The following PLCB1 variants were observed in gnomAD, a reference collection of about 807,000 sequenced individuals.
PLCB1 encodes the protein 1-phosphatidylinositol 4,5-bisphosphate phosphodiesterase beta-1.
Under a neutral mutation model 161.8 loss-of-function variants are expected in PLCB1, and 46 were observed. The observed-to-expected ratio is 0.28, with a 90% CI of 0.22 to 0.36. The LOEUF (loss-of-function observed/expected upper bound fraction) is 0.36, where lower values mean the gene tolerates loss of function less well. Ranked by LOEUF, PLCB1 falls within the 10% of genes least tolerant of loss-of-function variation. PLCB1 has a pLI of 1.00. For synonymous variants in PLCB1, 517 were observed against 503.7 expected (o/e 1.03, Z -0.35); for missense variants, 1,016 against 1,472.5 (o/e 0.69, Z 5.07).
In PLCB1 at chr20:8,884,700, A is replaced by G. The variant is rs1279837040; in HGVS notation, c.*2851A>G. On this transcript the variant is annotated 3_prime_UTR_variant, in exon 32 of 32. Coordinates refer to ENST00000338037, the MANE Select transcript of PLCB1 (RefSeq NM_015192.4). ...GACGTTGTGACTCTTGCCTTTTAAGAAGAAAAAAAAGATAGGACAAAGTAT... is the reference window on the plus strand; with the variant it reads ...GACGTTGTGACTCTTGCCTTTTAAGGAGAAAAAAAAGATAGGACAAAGTAT... 1.3e-5 allele frequency: 2 copies of G among 152,608 alleles called. No individual in the cohort carries two copies. Among genetic ancestry groups the G allele is most frequent in the South Asian group, 4.1e-4 (2 of 4,834 alleles). 9.5% of individuals were successfully genotyped at this position (152,608 alleles called of 1,614,324 possible). A position where few individuals can be genotyped will look rare whatever the true frequency, so the allele number is the denominator to read the frequency against.
At chr20:8,503,386 T>C (rs1264532447) in intron 3 of PLCB1, among the ~76,000 whole-genome samples, 3 of 152,170 alleles carry the variant, frequency 2.0e-5, no homozygotes, top group South Asian at 2.1e-4. Context: ...TCTGTCTTCC[T>C]TCTACACACT....
At chr20:8,685,859 G>A (rs1990347790) in intron 10 of PLCB1, among the ~76,000 whole-genome samples, 1 of 152,132 alleles carries the variant, frequency 6.6e-6, no homozygotes, top group Admixed American at 6.5e-5. Flanking sequence ...TAATAAAGTA[G>A]GATAAAACAT....
chr20:8,524,711 T>A (rs182603493), intron 3 of PLCB1, among the ~76,000 whole-genome samples: 54 of 152,284 alleles, frequency 3.5e-4, no homozygotes, highest in Admixed American at 1.4e-3. Context: ...ATCCTGACAC[T>A]TTTCATTGAC....
chr20:8,408,059 G>A (rs540376560), intron 3 of PLCB1, among the ~76,000 whole-genome samples: 1 of 152,190 alleles, frequency 6.6e-6, no homozygotes, highest in South Asian at 2.1e-4. Flanking sequence ...TCAAAACTAA[G>A]GAAATATGAA....
chr20:8,186,906 G>T (rs981796192), intron 2 of PLCB1, among the ~76,000 whole-genome samples: 23 of 152,100 alleles, frequency 1.5e-4, no homozygotes, highest in Admixed American at 9.8e-4. Context: ...ATATCTCCTA[G>T]GAACAGGCAT....
chr20:8,139,089 T>TTTG (rs997546097), intron 1 of PLCB1, among the ~76,000 whole-genome samples: 2,763 of 132,734 alleles, frequency 0.021, 133 homozygotes, highest in African/African-American at 0.077. Flanking sequence ...GGGTTTTTTT[T>TTTG]TTTTTTTTTT....
At chr20:8,329,489 T>C (rs1485502792) in intron 2 of PLCB1, among the ~76,000 whole-genome samples, 2 of 152,066 alleles carry the variant, frequency 1.3e-5, no homozygotes, top group East Asian at 3.9e-4. Flanking sequence ...TACAGCTGTT[T>C]GGTTTTTTCT....
intron 3 of PLCB1, among the ~76,000 whole-genome samples, chr20:8,555,329 T>C (rs567133727): frequency 3.2e-4 from 48 of 152,122 alleles, no homozygotes; most frequent in Admixed American, 1.6e-3. Flanking sequence ...AGCTTTGAAG[T>C]GAAAGAGGTG....
Position 8,834,810 on chromosome 20 carries a change from GAAAAAAAAAAAA to G in PLCB1, c.3423+44565_3423+44576del, listed in dbSNP as rs10568816. On this transcript the variant is annotated intron_variant, in intron 31 of 31. Coordinates refer to ENST00000338037, the MANE Select transcript of PLCB1 (RefSeq NM_015192.4). ...AGCCTGGGCGATAGACTCTGCCTCA[GAAAAAAAAAAAA>G]AAAAAAAAAAAAAAACCACAGGCTG... Among the ~76,000 whole-genome samples the G allele has an allele frequency of 9.9e-4, 85 of 85,586 alleles. 1 individual carries two copies. The highest frequency in any genetic ancestry group is 2.5e-3 in the East Asian group (5 of 2,040). 56.1% of individuals were successfully genotyped at this position (85,586 alleles called of 152,430 possible).
At chr20:8,821,488 A>C in intron 31 of PLCB1, among the ~76,000 whole-genome samples, 1 of 44,382 alleles carries the variant, frequency 2.3e-5, no homozygotes, top group Non-Finnish European at 4.4e-5. Flanking sequence ...AAAAAAAAAA[A>C]AAAAAAAAAT....
At chr20:8,318,962 C>A (rs1267751160) in intron 2 of PLCB1, among the ~76,000 whole-genome samples, 1 of 152,022 alleles carries the variant, frequency 6.6e-6, no homozygotes, top group Non-Finnish European at 1.5e-5. Flanking sequence ...TTTTACCAGC[C>A]CTTCCAACAG....
intron 2 of PLCB1, among the ~76,000 whole-genome samples, chr20:8,285,891 C>T (rs1983095322): frequency 6.6e-6 from 1 of 152,178 alleles, no homozygotes; most frequent in African/African-American, 2.4e-5. Context: ...AACAATTTCT[C>T]TTCTCACTAA....
chr20:8,272,850 A>G lies in PLCB1; in HGVS notation c.178-98532A>G, dbSNP rs145020944. On this transcript the variant is annotated intron_variant, in intron 2 of 31. Transcript: ENST00000338037. ...GCTGAAATGGCCAACATTTCATGCAATCAGTACAATCATGCAATCATACAA... is the reference window on the plus strand; with the variant it reads ...GCTGAAATGGCCAACATTTCATGCAGTCAGTACAATCATGCAATCATACAA... Among the ~76,000 whole-genome samples, 8 of 152,274 alleles carry G rather than the reference A, an allele frequency of 5.3e-5. No homozygotes were observed. In the East Asian group the frequency reaches 7.7e-4, roughly 15 times the overall value.
chr20:8,810,311 A>G (rs1600346325), intron 31 of PLCB1, among the ~76,000 whole-genome samples: 1 of 152,276 alleles, frequency 6.6e-6, no homozygotes, highest in Admixed American at 6.5e-5. Context: ...GAGAGCTCAC[A>G]GTTTCCTGCC....
At chr20:8,811,840 C>A (rs1010613962) in intron 31 of PLCB1, among the ~76,000 whole-genome samples, 1 of 152,190 alleles carries the variant, frequency 6.6e-6, no homozygotes, top group African/African-American at 2.4e-5. Flanking sequence ...TTTACTCAGC[C>A]TCCTATAGCA....
At chr20:8,860,454 G>A (rs1405870627) in intron 31 of PLCB1, among the ~76,000 whole-genome samples, 1 of 152,136 alleles carries the variant, frequency 6.6e-6, no homozygotes, top group Admixed American at 6.5e-5. Context: ...TATATGACTA[G>A]CTCGTGTTAT....
intron 26 of PLCB1, among the ~76,000 whole-genome samples, chr20:8,773,079 G>C (rs971260812): frequency 6.6e-6 from 1 of 152,194 alleles, no homozygotes; most frequent in Non-Finnish European, 1.5e-5. Flanking sequence ...AAAGAAACTT[G>C]AGAAAATTCC....
At chr20:8,201,682 T>C (rs952335203) in intron 2 of PLCB1, among the ~76,000 whole-genome samples, 2 of 152,142 alleles carry the variant, frequency 1.3e-5, no homozygotes, top group African/African-American at 4.8e-5. Context: ...TCTCAAGCAG[T>C]TGGAATTCCC....
intron 2 of PLCB1, among the ~76,000 whole-genome samples, chr20:8,285,626 A>G (rs1156305952): frequency 6.6e-6 from 1 of 152,030 alleles, no homozygotes; most frequent in Admixed American, 6.6e-5. Context: ...TCAGGTACAT[A>G]GTGTGACCAT....
Sources: gnomAD v4.1 joint callset for allele counts (sites outside exome capture counted in the v4.1 genomes callset) on GRCh38, gnomAD v4.1.1 for gene constraint, MANE v1.5 for transcripts, NCBI Gene and HGNC (gene_info 2026-07-23, HGNC 2026-07-21) for gene names.